The following CCDC30 variants were observed in gnomAD, a reference collection of about 807,000 sequenced individuals.
The protein encoded by CCDC30 is coiled-coil domain containing 30.
CCDC30 carries 70 observed loss-of-function variants against 100.2 expected under a neutral mutation model. The ratio of observed to expected loss-of-function variants is 0.70; its 90% confidence interval spans 0.58 to 0.85. The LOEUF (loss-of-function observed/expected upper bound fraction) is 0.85, where lower values mean the gene tolerates loss of function less well. Among genes scored for constraint, CCDC30 ranks in the 40% least tolerant of loss-of-function variants. CCDC30 has a pLI of 0.00. For synonymous variants in CCDC30, 233 were observed against 269.5 expected (o/e 0.86, Z 1.33); for missense variants, 652 against 771.2 (o/e 0.85, Z 1.83).
At chr1:42,490,162 T>C in exon 4 of CCDC30, 1 of 1,164,184 alleles carries the variant, frequency 8.6e-7, no homozygotes, top group Non-Finnish European at 1.1e-6. Flanking sequence ...TTTTAGATTC[T>C]GCACTTAAGA....
chr1:42,612,065 A>G (rs1460669611), intron 11 of CCDC30, among the ~76,000 whole-genome samples: 2 of 152,172 alleles, frequency 1.3e-5, no homozygotes, highest in Non-Finnish European at 2.9e-5. Context: ...GTGTCTTGTC[A>G]ATAAACATAA....
intron 12 of CCDC30, among the ~76,000 whole-genome samples, chr1:42,638,706 T>G (rs903363776): frequency 6.6e-6 from 1 of 152,042 alleles, no homozygotes; most frequent in Non-Finnish European, 1.5e-5. Context: ...AAATCCCATC[T>G]CTACTGAAAA....
intron 10 of CCDC30, among the ~76,000 whole-genome samples, chr1:42,602,331 T>C (rs1181946802): frequency 6.6e-6 from 1 of 151,706 alleles, no homozygotes; most frequent in Non-Finnish European, 1.5e-5. Context: ...GGGTATTCAA[T>C]AGAATAACAA....
rs66804938 is a variant in CCDC30 at position 42,546,399 on chromosome 1, AATATATATATATATAT to A, written c.457-19869_457-19854del. 5.3e-3 allele frequency among the ~76,000 whole-genome samples: 63 copies of A among 11,984 alleles called. 3 individuals carry two copies. Among genetic ancestry groups the A allele is most frequent in the South Asian group, 0.037 (14 of 380 alleles). 7.9% of individuals were successfully genotyped at this position (11,984 alleles called of 152,430 possible). ...AAATTCTGTCTCAAAAAAAAAAAAA[AATATATATATATATAT>A]ATATATATATATATATATATATATA... On this transcript the variant is annotated intron_variant, in intron 6 of 16. Transcript: ENST00000668663.
At chr1:42,527,162 T>C (rs1409845949) in intron 6 of CCDC30, among the ~76,000 whole-genome samples, 1 of 152,238 alleles carries the variant, frequency 6.6e-6, no homozygotes, top group Non-Finnish European at 1.5e-5. Context: ...CAATACATAA[T>C]GTCCTCTGAC....
chr1:42,487,902 C>T (rs953348556), intron 3 of CCDC30, among the ~76,000 whole-genome samples: 13 of 152,132 alleles, frequency 8.5e-5, no homozygotes, highest in African/African-American at 2.9e-4. Flanking sequence ...CACAGAACCC[C>T]GGCACACCAT....
At chr1:42,586,295 T>C (rs1646067704) in intron 9 of CCDC30, among the ~76,000 whole-genome samples, 1 of 151,984 alleles carries the variant, frequency 6.6e-6, no homozygotes, top group Admixed American at 6.6e-5. Flanking sequence ...GAACCTTAGA[T>C]TTTGTTTGTT....
intron 4 of CCDC30, among the ~76,000 whole-genome samples, chr1:42,493,473 A>T (rs1644179078): frequency 6.6e-6 from 1 of 152,264 alleles, no homozygotes; most frequent in African/African-American, 2.4e-5. Flanking sequence ...CTGTAATCCC[A>T]GCTAACTCGG....
intron 3 of CCDC30, among the ~76,000 whole-genome samples, chr1:42,485,950 C>T (rs1466334442): frequency 6.6e-6 from 1 of 152,088 alleles, no homozygotes; most frequent in Non-Finnish European, 1.5e-5. Flanking sequence ...TACTTCATAC[C>T]CACTAGAATG....
At chr1:42,597,980 A>G (rs1646326021) in intron 10 of CCDC30, among the ~76,000 whole-genome samples, 1 of 151,302 alleles carries the variant, frequency 6.6e-6, no homozygotes, top group Non-Finnish European at 1.5e-5. Context: ...CAACATAGTG[A>G]GACTCCAGTC....
intron 12 of CCDC30, among the ~76,000 whole-genome samples, 159 bp downstream of exon 16, chr1:42,637,537 C>T (rs1647184162): frequency 6.6e-6 from 1 of 152,150 alleles, no homozygotes; most frequent in South Asian, 2.1e-4. Flanking sequence ...TCTTTAAGCC[C>T]TGACCAAAAG....
chr1:42,533,594 AG>A (rs1644842879), intron 6 of CCDC30, among the ~76,000 whole-genome samples: 1 of 152,220 alleles, frequency 6.6e-6, no homozygotes, highest in Non-Finnish European at 1.5e-5. Flanking sequence ...AGATTTATAT[AG>A]GGGACTTATT....
intron 6 of CCDC30, among the ~76,000 whole-genome samples, chr1:42,506,569 A>G (rs561757531): frequency 6.6e-6 from 1 of 152,336 alleles, no homozygotes; most frequent in African/African-American, 2.4e-5. Context: ...TGGAACATGT[A>G]TTAGTATTGT....
chr1:42,558,924 A>G (rs751382958), intron 6 of CCDC30, among the ~76,000 whole-genome samples: 1 of 152,232 alleles, frequency 6.6e-6, no homozygotes, highest in Admixed American at 6.5e-5. Flanking sequence ...AGGGAAGCCT[A>G]TCAGTTTAAC....
intron 6 of CCDC30, among the ~76,000 whole-genome samples, chr1:42,531,348 C>T (rs1292461006): frequency 6.6e-6 from 1 of 152,150 alleles, no homozygotes; most frequent in African/African-American, 2.4e-5. Context: ...ATAAATTACC[C>T]AGTCTCAGGT....
chr1:42,461,739 G>T (rs377062994), upstream of CCDC30, among the ~76,000 whole-genome samples: 6 of 152,112 alleles, frequency 3.9e-5, no homozygotes, highest in African/African-American at 1.2e-4. Flanking sequence ...TAGAGATGGG[G>T]TTTCACCTTG....
rs1332598440 is a variant in CCDC30, at chr1:42,565,448, G to A, written c.457-848G>A. On this transcript the variant is annotated intron_variant, in intron 6 of 16. Coordinates refer to ENST00000668663, the Ensembl canonical transcript of CCDC30. Reference sequence around the variant, plus strand: ...GGTATGTGAAAAAATGTTCAGCGTCGTGAATTATTAGGGAAATGCAAATTA... The same window carrying A: ...GGTATGTGAAAAAATGTTCAGCGTCATGAATTATTAGGGAAATGCAAATTA... Among the ~76,000 whole-genome samples, 6 of 152,222 alleles carry A rather than the reference G, an allele frequency of 3.9e-5. 1 individual carries two copies. The South Asian group carries it at 6.2e-4, about 16-fold the overall frequency.
intron 7 of CCDC30, among the ~76,000 whole-genome samples, chr1:42,572,277 C>T (rs1484547156): frequency 6.6e-6 from 1 of 152,152 alleles, no homozygotes; most frequent in African/African-American, 2.4e-5. Context: ...CAAGGTTGAG[C>T]AGCTTTTTAT....
intron 7 of CCDC30, among the ~76,000 whole-genome samples, chr1:42,569,850 A>G (rs2148571349): frequency 6.6e-6 from 1 of 152,360 alleles, no homozygotes; most frequent in East Asian, 1.9e-4. Flanking sequence ...GCTGGAAACC[A>G]TCATTCTCAG....
Sources: allele counts gnomAD v4.1 joint callset (sites outside exome capture counted in the v4.1 genomes callset), GRCh38; gene constraint gnomAD v4.1.1; transcripts MANE v1.5; gene names NCBI Gene and HGNC (gene_info 2026-07-23, HGNC 2026-07-21).